NUCB2: variants seen among roughly 807,000 people sequenced by gnomAD.
The protein encoded by NUCB2 is nucleobindin 2, also known as nucleobindin-2.
In NUCB2, 48 loss-of-function variants were observed where a neutral mutation model predicts 57.9. That is an observed-to-expected ratio of 0.83 (90% CI 0.66 to 1.05). The LOEUF is 1.05. Among genes scored for constraint, NUCB2 ranks in the 50% least tolerant of loss-of-function variants. NUCB2 has a pLI of 0.00. For missense variants in NUCB2, 442 were observed against 476.2 expected (o/e 0.93, Z 0.67); for synonymous variants, 139 against 152.1 (o/e 0.91, Z 0.64).
At chr11:17,315,564 T>A in intron 11 of NUCB2, 89 bp downstream of exon 11, 1 of 675,630 alleles carries the variant, frequency 1.5e-6, no homozygotes. Flanking sequence ...CCATTATGTT[T>A]GCATGTATAG....
At chr11:17,315,295 T>C (rs1949066155) in intron 10 of NUCB2, 91 bp from the exon 11 acceptor site, 2 of 590,722 alleles carry the variant, frequency 3.4e-6, no homozygotes. Context: ...TGTATGTTTA[T>C]GTAGTGGCAT....
chr11:17,290,795 T>C (rs1944797725), intron 2 of NUCB2, among the ~76,000 whole-genome samples: 1 of 152,028 alleles, frequency 6.6e-6, no homozygotes, highest in Non-Finnish European at 1.5e-5. Context: ...TTTTGAAAAA[T>C]TATAAGCATG....
intron 1 of NUCB2, 83 bp from the exon 2 acceptor site, chr11:17,282,706 A>G (rs1942966433): frequency 6.6e-6 from 1 of 152,116 alleles, no homozygotes. Flanking sequence ...ATACACTATC[A>G]TGTACCATTA....
chr11:17,300,662 T>A (rs1429914748), intron 4 of NUCB2, among the ~76,000 whole-genome samples: 4 of 152,246 alleles, frequency 2.6e-5, no homozygotes, highest in African/African-American at 9.6e-5. Context: ...ATTTTGTTTA[T>A]CCGTTCATTA....
chr11:17,284,946 A>AT (rs1319890701), intron 2 of NUCB2, among the ~76,000 whole-genome samples: 1 of 152,138 alleles, frequency 6.6e-6, no homozygotes, highest in African/African-American at 2.4e-5. Flanking sequence ...CTAGCATAGT[A>AT]TCTGGTACCA....
intron 2 of NUCB2, among the ~76,000 whole-genome samples, chr11:17,284,645 G>C (rs565677693): frequency 2.0e-5 from 3 of 152,206 alleles, no homozygotes; most frequent in Non-Finnish European, 4.4e-5. Context: ...CCTTTTTTCT[G>C]ATCTAGACTT....
chr11:17,316,038 C>G (rs550080581), intron 11 of NUCB2, among the ~76,000 whole-genome samples: 1 of 151,806 alleles, frequency 6.6e-6, no homozygotes, highest in Non-Finnish European at 1.5e-5. Flanking sequence ...AGTAGCGCGA[C>G]CTTGGCTCAC....
At chr11:17,279,845 A>C (rs1262564161) in intron 1 of NUCB2, among the ~76,000 whole-genome samples, 2 of 141,982 alleles carry the variant, frequency 1.4e-5, no homozygotes, top group African/African-American at 5.3e-5. Context: ...ACTGGAGTAC[A>C]GTGGTGTGAT....
chr11:17,306,943 G>C (rs1947757887), intron 5 of NUCB2, among the ~76,000 whole-genome samples: 1 of 151,808 alleles, frequency 6.6e-6, no homozygotes, highest in East Asian at 1.9e-4. Flanking sequence ...AAAACAGTCT[G>C]ATGTAACTTT....
intron 2 of NUCB2, among the ~76,000 whole-genome samples, chr11:17,344,406 G>A (rs1952550300): frequency 6.6e-6 from 1 of 152,182 alleles, no homozygotes; most frequent in Admixed American, 6.5e-5. Context: ...ACTTTTGCCT[G>A]GATGACCTGA....
chr11:17,282,252 ATATATATTT>A lies in NUCB2; in HGVS notation c.-155-535_-155-527del, dbSNP rs200088102. Among the ~76,000 whole-genome samples the A allele has an allele frequency of 2.2e-4, 21 of 95,440 alleles. No homozygotes were observed. In the East Asian group the frequency reaches 2.8e-3, roughly 13 times the overall value. 62.6% of individuals were successfully genotyped at this position (95,440 alleles called of 152,430 possible). A position where few individuals can be genotyped will look rare whatever the true frequency, so the allele number is the denominator to read the frequency against. On this transcript the variant is annotated intron_variant, in intron 1 of 13. Coordinates refer to ENST00000529010, the MANE Select transcript of NUCB2 (RefSeq NM_005013.4). ...TCTATCTATCTATATATATATATAT[ATATATATTT>A]TTTTTTTTTTTTCCCAAGACAGAGT...
intron 5 of NUCB2, among the ~76,000 whole-genome samples, chr11:17,306,843 C>T (rs1251211943): frequency 4.7e-5 from 7 of 148,838 alleles, no homozygotes; most frequent in Admixed American, 2.7e-4. Flanking sequence ...ACACAGGAGG[C>T]GGAGGTTGCA....
intron 11 of NUCB2, among the ~76,000 whole-genome samples, chr11:17,329,195 T>G (rs930130694): frequency 6.6e-6 from 1 of 152,144 alleles, no homozygotes; most frequent in Non-Finnish European, 1.5e-5. Context: ...CTTTTTCCTC[T>G]CCTTTCCTCA....
chr11:17,326,788 CT>C (rs1950743979), intron 11 of NUCB2, among the ~76,000 whole-genome samples: 1 of 152,182 alleles, frequency 6.6e-6, no homozygotes, highest in Admixed American at 6.6e-5. Context: ...TGGGTGCTTA[CT>C]GTTAACAGTG....
chr11:17,318,716 C>G (rs547835998), intron 11 of NUCB2, among the ~76,000 whole-genome samples: 2 of 151,978 alleles, frequency 1.3e-5, no homozygotes, highest in African/African-American at 4.8e-5. Context: ...ACAATTTGAA[C>G]GTGGAAATAA....
At chr11:17,326,978 T>C (rs1446926435) in intron 11 of NUCB2, among the ~76,000 whole-genome samples, 1 of 152,242 alleles carries the variant, frequency 6.6e-6, no homozygotes, top group African/African-American at 2.4e-5. Flanking sequence ...TCAGTGAATA[T>C]ACTATTCCAG....
At chr11:17,320,758 G>A (rs962049198) in intron 11 of NUCB2, among the ~76,000 whole-genome samples, 3 of 152,038 alleles carry the variant, frequency 2.0e-5, no homozygotes, top group Non-Finnish European at 2.9e-5. Flanking sequence ...TTTCCTCCCC[G>A]TTCTGTGGGT....
chr11:17,282,202 ATATATC>A (rs200601851), intron 1 of NUCB2, among the ~76,000 whole-genome samples: 18 of 144,430 alleles, frequency 1.2e-4, no homozygotes, highest in Admixed American at 6.4e-4. Context: ...ATCTATATCT[ATATATC>A]TATATCTATA....
intron 5 of NUCB2, among the ~76,000 whole-genome samples, chr11:17,307,560 A>G (rs998728811): frequency 6.6e-6 from 1 of 152,188 alleles, no homozygotes; most frequent in African/African-American, 2.4e-5. Context: ...TTGTTTTTCA[A>G]TTAATAATAT....
Sources: allele counts gnomAD v4.1 joint callset (sites outside exome capture counted in the v4.1 genomes callset), GRCh38; gene constraint gnomAD v4.1.1; transcripts MANE v1.5; gene names NCBI Gene and HGNC (gene_info 2026-07-23, HGNC 2026-07-21).